ABI1: variants seen among roughly 807,000 people sequenced by gnomAD.
The protein encoded by ABI1 is abl interactor 1.
Under a neutral mutation model 54.6 loss-of-function variants are expected in ABI1, and 14 were observed. The ratio of observed to expected loss-of-function variants is 0.26; its 90% CI spans 0.17 to 0.40. ABI1 has a LOEUF of 0.40. Among genes scored for constraint, ABI1 ranks in the 10% least tolerant of loss-of-function variants. The pLI is 1.00. For synonymous variants in ABI1, 194 were observed against 209.3 expected (o/e 0.93, Z 0.63); for missense variants, 443 against 598.3 (o/e 0.74, Z 2.71).
intron 2 of ABI1, among the ~76,000 whole-genome samples, chr10:26,784,568 C>T (rs1017598651): frequency 1.3e-5 from 2 of 151,114 alleles, no homozygotes; most frequent in African/African-American, 4.9e-5. Context: ...ATGGGGGGAG[C>T]GGGGAGAAGT....
chr10:26,826,744 T>A (rs1324327516), intron 1 of ABI1, among the ~76,000 whole-genome samples: 1 of 152,240 alleles, frequency 6.6e-6, no homozygotes, highest in Non-Finnish European at 1.5e-5. Flanking sequence ...CCTTGCACTT[T>A]CACGTTATAG....
chr10:26,821,243 TAA>T (rs34139312), intron 2 of ABI1, among the ~76,000 whole-genome samples: 2 of 114,924 alleles, frequency 1.7e-5, no homozygotes, highest in African/African-American at 3.5e-5. Context: ...AGACTCCATC[TAA>T]AAAAAAAAAA....
intron 1 of ABI1, among the ~76,000 whole-genome samples, chr10:26,850,244 C>T (rs1483061616): frequency 6.6e-6 from 1 of 152,224 alleles, no homozygotes; most frequent in African/African-American, 2.4e-5. Flanking sequence ...ACTAAGGTTA[C>T]ATTTTTCATA....
chr10:26,794,052 G>C (rs534324000), intron 2 of ABI1, among the ~76,000 whole-genome samples: 1 of 152,136 alleles, frequency 6.6e-6, no homozygotes, highest in Non-Finnish European at 1.5e-5. Context: ...AGACCAGCCT[G>C]GCCAACATGG....
chr10:26,756,535 C>G (rs1838331825), intron 8 of ABI1, among the ~76,000 whole-genome samples: 1 of 152,104 alleles, frequency 6.6e-6, no homozygotes, highest in African/African-American at 2.4e-5. Flanking sequence ...TAATTTTTAA[C>G]AACTCATTGG....
chr10:26,763,798 G>T, intron 7 of ABI1: 1 of 1,256,012 alleles, frequency 8.0e-7, no homozygotes, highest in Non-Finnish European at 1.2e-6. Flanking sequence ...AACTATAAAA[G>T]CCAGCACTCT....
chr10:26,837,648 G>A (rs1280284926), intron 1 of ABI1, among the ~76,000 whole-genome samples: 1 of 152,104 alleles, frequency 6.6e-6, no homozygotes, highest in Non-Finnish European at 1.5e-5. Flanking sequence ...GTCTCACTCT[G>A]CTGCCCAGGC....
At chr10:26,781,396 A>G (rs1348732520) in intron 2 of ABI1, among the ~76,000 whole-genome samples, 2 of 152,254 alleles carry the variant, frequency 1.3e-5, no homozygotes, top group Admixed American at 6.5e-5. Flanking sequence ...CTGATCTTAC[A>G]TTCTGCCACC....
At chr10:26,831,166 C>T (rs1041716388) in intron 1 of ABI1, among the ~76,000 whole-genome samples, 2 of 152,016 alleles carry the variant, frequency 1.3e-5, no homozygotes, top group Non-Finnish European at 2.9e-5. Flanking sequence ...ACATCTGTCA[C>T]AACATATTTG....
At chr10:26,791,087 A>AAAC (rs1843384281) in intron 2 of ABI1, among the ~76,000 whole-genome samples, 3 of 145,162 alleles carry the variant, frequency 2.1e-5, no homozygotes, top group Non-Finnish European at 4.6e-5. Context: ...AAAAAAAAAA[A>AAAC]AAAACAGAGC....
At chr10:26,829,794 C>T (rs570367951) in intron 1 of ABI1, among the ~76,000 whole-genome samples, 1 of 152,156 alleles carries the variant, frequency 6.6e-6, no homozygotes, top group Non-Finnish European at 1.5e-5. Context: ...TTGTAGGATG[C>T]TATGGATCAC....
At chr10:26,836,090 CTT>C (rs1409071013) in intron 1 of ABI1, among the ~76,000 whole-genome samples, 1 of 151,686 alleles carries the variant, frequency 6.6e-6, no homozygotes, top group Non-Finnish European at 1.5e-5. Context: ...GGATAATTCT[CTT>C]GATAGTATCT....
At chr10:26,778,607 G>A (rs1353379027) in intron 2 of ABI1, among the ~76,000 whole-genome samples, 1 of 151,678 alleles carries the variant, frequency 6.6e-6, no homozygotes. Flanking sequence ...AATCGAGAAA[G>A]AACTTCTAAT....
At chr10:26,764,048 A>C (rs994614438) in intron 7 of ABI1, 8 of 990,914 alleles carry the variant, frequency 8.1e-6, no homozygotes, top group Non-Finnish European at 1.2e-5. Context: ...TGTATCGGGA[A>C]GAAAAAGAAA....
intron 1 of ABI1, among the ~76,000 whole-genome samples, chr10:26,845,418 G>T (rs1303900249): frequency 6.6e-5 from 10 of 151,492 alleles, no homozygotes; most frequent in Non-Finnish European, 5.9e-5. Flanking sequence ...TGAGGCGGGC[G>T]GATCACCTGA....
chr10:26,757,631 A>T (rs1298490383), intron 8 of ABI1, among the ~76,000 whole-genome samples: 1 of 152,188 alleles, frequency 6.6e-6, no homozygotes, highest in Non-Finnish European at 1.5e-5. Context: ...GAAGTTTAAC[A>T]CTTCTCAGTA....
Position 26,788,899 on chromosome 10 carries a change from C to T in ABI1, c.286-11658G>A, listed in dbSNP as rs182181975. 2,323 of 116,932 alleles carry T rather than the reference C, an allele frequency of 0.02. 161 individuals are homozygous for T. In the South Asian group the frequency reaches 0.21, roughly 10 times the overall value. 7.2% of individuals were successfully genotyped at this position (116,932 alleles called of 1,614,324 possible). On this transcript the variant is annotated intron_variant, in intron 2 of 10. Transcript: ENST00000376140. ...CTGCACTCCAGCCTGGGCAACAGAG[C>T]GAGACTCCGTCTCAAAAAAAAAAAA...
At chr10:26,766,134 T>C (rs1257337211) in intron 6 of ABI1, among the ~76,000 whole-genome samples, 1 of 151,148 alleles carries the variant, frequency 6.6e-6, no homozygotes, top group Non-Finnish European at 1.5e-5. Context: ...AGAAAGGTGA[T>C]AACATAGGGA....
chr10:26,817,889 C>T (rs564025108), intron 2 of ABI1, among the ~76,000 whole-genome samples: 1 of 152,106 alleles, frequency 6.6e-6, no homozygotes, highest in South Asian at 2.1e-4. Flanking sequence ...GGCACGGTGG[C>T]TCATGTCTGT....
Sources: gnomAD v4.1 joint callset for allele counts (sites outside exome capture counted in the v4.1 genomes callset) on GRCh38, gnomAD v4.1.1 for gene constraint, MANE v1.5 for transcripts, NCBI Gene and HGNC (gene_info 2026-07-23, HGNC 2026-07-21) for gene names.